ARHGAP42: variants seen among roughly 807,000 people sequenced by gnomAD.
ARHGAP42 encodes the protein Rho GTPase activating protein 42.
ARHGAP42 carries 63 observed loss-of-function variants against 125.0 expected under a neutral mutation model. That is an observed-to-expected ratio of 0.50 (90% CI 0.41 to 0.62). The LOEUF is 0.62. Among genes scored for constraint, ARHGAP42 ranks in the 20% least tolerant of loss-of-function variants. The pLI is 0.00. For synonymous variants in ARHGAP42, 339 were observed against 351.0 expected (o/e 0.97, Z 0.38); for missense variants, 766 against 1,024.2 (o/e 0.75, Z 3.44).
intron 4 of ARHGAP42, among the ~76,000 whole-genome samples, chr11:100,865,869 G>A (rs1865557243): frequency 6.6e-6 from 1 of 152,158 alleles, no homozygotes; most frequent in Non-Finnish European, 1.5e-5. Context: ...TGATAAGGGT[G>A]GTGGTTGCTG....
intron 1 of ARHGAP42, among the ~76,000 whole-genome samples, chr11:100,739,760 G>T (rs1862143385): frequency 6.6e-6 from 1 of 152,060 alleles, no homozygotes; most frequent in Admixed American, 6.6e-5. Flanking sequence ...AGGAAGTAGG[G>T]TGAGCATAAC....
intron 2 of ARHGAP42, among the ~76,000 whole-genome samples, chr11:100,771,347 G>A (rs1178455912): frequency 6.6e-6 from 1 of 152,018 alleles, no homozygotes; most frequent in African/African-American, 2.4e-5. Context: ...ATTGTTTGAA[G>A]GTCTGATTCT....
chr11:100,987,485 G>A (rs181362886), intron 22 of ARHGAP42, 28 bp from the exon 23 acceptor site: 1 of 1,541,436 alleles, frequency 6.5e-7, no homozygotes, highest in East Asian at 2.4e-5. Context: ...GAGTGTTGAG[G>A]TTTTGACAAG....
rs532609552 is a variant in ARHGAP42, at chr11:100,713,638, AT to A, written c.154+25807del. Among the ~76,000 whole-genome samples, 60 of 152,342 alleles carry A rather than the reference AT, an allele frequency of 3.9e-4. 1 individual carries two copies. The highest frequency in any genetic ancestry group is 6.5e-4 in the Admixed American group (10 of 15,300). On this transcript the variant is annotated intron_variant, in intron 1 of 23. Coordinates refer to ENST00000298815, the MANE Select transcript of ARHGAP42 (RefSeq NM_152432.4). The stretch of plus-strand genomic sequence containing the variant: ...TAAAATAAATGACCGAGTAAAAAAA[AT>A]AATTTGGTTTCTCTTTAATTTCTGC...
chr11:100,797,937 GGAA>G lies in ARHGAP42; in HGVS notation c.312+2776_312+2778del, dbSNP rs532911783. Among the ~76,000 whole-genome samples, 160 of 152,294 alleles carry G rather than the reference GGAA, an allele frequency of 1.1e-3. 3 individuals carry two copies. The South Asian group carries it at 0.032, about 30-fold the overall frequency. On this transcript the variant is annotated intron_variant, in intron 3 of 23. Coordinates refer to ENST00000298815, the MANE Select transcript of ARHGAP42 (RefSeq NM_152432.4). ...GAGGTTAAAATATCAACTGAAGTTT[GGAA>G]GAAGTTGATTCCAGCCCTCATGGAT...
intron 21 of ARHGAP42, 146 bp downstream of exon 21, chr11:100,977,117 T>C: frequency 1.1e-6 from 1 of 897,954 alleles, no homozygotes; most frequent in Non-Finnish European, 1.7e-6. Flanking sequence ...TCTGTAAGAC[T>C]CTATTCTTTT....
chr11:100,829,686 A>G (rs374250851), intron 3 of ARHGAP42, among the ~76,000 whole-genome samples: 2 of 152,184 alleles, frequency 1.3e-5, no homozygotes, highest in Non-Finnish European at 2.9e-5. Flanking sequence ...GCATTTTCCA[A>G]TGGTTAATGA....
At chr11:100,948,357 TTTCTC>T in intron 10 of ARHGAP42, 95 bp from the exon 11 acceptor site, 1 of 785,658 alleles carries the variant, frequency 1.3e-6, no homozygotes, top group Non-Finnish European at 1.8e-6. Flanking sequence ...TCATTTCTCT[TTTCTC>T]TTAACTTTTT....
intron 3 of ARHGAP42, among the ~76,000 whole-genome samples, chr11:100,798,415 A>G (rs1201403900): frequency 6.6e-6 from 1 of 152,130 alleles, no homozygotes; most frequent in African/African-American, 2.4e-5. Context: ...AGCAACCACC[A>G]CCCTGATCAG....
chr11:100,932,433 C>A (rs957014429), intron 6 of ARHGAP42, among the ~76,000 whole-genome samples: 2 of 152,184 alleles, frequency 1.3e-5, no homozygotes, highest in Non-Finnish European at 1.5e-5. Context: ...TCCAATATAA[C>A]GTTCCATATA....
intron 2 of ARHGAP42, among the ~76,000 whole-genome samples, chr11:100,787,995 G>A (rs777151518): frequency 6.6e-6 from 1 of 152,142 alleles, no homozygotes; most frequent in Non-Finnish European, 1.5e-5. Context: ...CCTATGCAGA[G>A]TATCTTCTCA....
At chr11:100,963,992 T>C (rs1173144417) in intron 16 of ARHGAP42, among the ~76,000 whole-genome samples, 4 of 151,914 alleles carry the variant, frequency 2.6e-5, no homozygotes, top group African/African-American at 9.7e-5. Context: ...CAAATGATGA[T>C]TATATTATTA....
chr11:100,913,333 T>C (rs1294423707), intron 4 of ARHGAP42, 119 bp from the exon 5 acceptor site: 10 of 334,354 alleles, frequency 3.0e-5, no homozygotes, highest in Non-Finnish European at 5.7e-5. Context: ...GTTTTACACA[T>C]AGTTGGGACT....
intron 4 of ARHGAP42, among the ~76,000 whole-genome samples, chr11:100,892,300 C>A: frequency 6.6e-6 from 1 of 151,994 alleles, no homozygotes; most frequent in Non-Finnish European, 1.5e-5. Context: ...ATTTTAAAGC[C>A]CTAAATTATT....
chr11:100,741,761 G>A (rs1261548244), intron 1 of ARHGAP42, among the ~76,000 whole-genome samples: 1 of 152,134 alleles, frequency 6.6e-6, no homozygotes, highest in Non-Finnish European at 1.5e-5. Context: ...ATGAATTTTG[G>A]TGAAATCAAA....
At chr11:100,979,422 GA>G (rs1317145514) in intron 22 of ARHGAP42, among the ~76,000 whole-genome samples, 1 of 150,784 alleles carries the variant, frequency 6.6e-6, no homozygotes, top group African/African-American at 2.4e-5. Context: ...AATATCCATG[GA>G]AAAATATGGT....
At chr11:100,955,629 G>A (rs1247758231) in intron 12 of ARHGAP42, among the ~76,000 whole-genome samples, 3 of 152,092 alleles carry the variant, frequency 2.0e-5, no homozygotes, top group South Asian at 2.1e-4. Context: ...ATCAGCAATC[G>A]TTATTTCTCC....
intron 4 of ARHGAP42, among the ~76,000 whole-genome samples, chr11:100,868,547 G>C (rs1286199983): frequency 1.3e-5 from 2 of 152,132 alleles, no homozygotes; most frequent in African/African-American, 2.4e-5. Flanking sequence ...TAACTAGTAA[G>C]GAGTAGAGTC....
At chr11:100,940,210 G>GA (rs1000004019) in intron 8 of ARHGAP42, among the ~76,000 whole-genome samples, 3 of 152,070 alleles carry the variant, frequency 2.0e-5, no homozygotes, top group Non-Finnish European at 4.4e-5. Flanking sequence ...TATTATTAAA[G>GA]AAAAAAATTA....
Sources: gnomAD v4.1 joint callset for allele counts (sites outside exome capture counted in the v4.1 genomes callset) on GRCh38, gnomAD v4.1.1 for gene constraint, MANE v1.5 for transcripts, NCBI Gene and HGNC (gene_info 2026-07-23, HGNC 2026-07-21) for gene names.